FBN3: variants seen among roughly 807,000 people sequenced by gnomAD.
FBN3 encodes fibrillin-3.
In FBN3, 234 loss-of-function variants were observed where a neutral mutation model predicts 330.1. The observed-to-expected ratio is 0.71, with a 90% CI of 0.64 to 0.79. The LOEUF is 0.79. Ranked by LOEUF, FBN3 falls within the 30% of genes least tolerant of loss-of-function variation. The probability of loss-of-function intolerance (pLI) is 0.00; values close to 1 mark genes in which losing one functional copy is unlikely to be tolerated. For missense variants in FBN3, 3,606 were observed against 3,886.9 expected, an observed-to-expected ratio of 0.93 and a Z score of 1.92; for synonymous variants, 1,458 against 1,517.3, an observed-to-expected ratio of 0.96 and a Z score of 0.91.
intron 30 of FBN3, among the ~76,000 whole-genome samples, chr19:8,113,091 G>A (rs1033668187): frequency 1.1e-4 from 17 of 152,170 alleles, no homozygotes; most frequent in South Asian, 8.3e-4. Flanking sequence ...AGGTCATCCC[G>A]GATTAGTGTA....
Position 8,112,011 on chromosome 19 carries a change from C to T in FBN3, c.3927G>A (p.Leu1309=). 6.2e-7 allele frequency: 1 copy of T among 1,611,708 alleles called. No individual in the cohort carries two copies. The change falls in exon 31 of 64, where the codon CTG becomes CTA. Residue 1309 remains leucine, a synonymous_variant. Coordinates refer to ENST00000600128, the MANE Select transcript of FBN3 (RefSeq NM_032447.5). ...NIPGSFSCRC[L]PGWVGDGFEC... ...CGAAGCCATCCCCCACCCAGCCTGGCAGGCACCTACAGCTGAAACTCCCCG... is the reference window on the plus strand; with the variant it reads ...CGAAGCCATCCCCCACCCAGCCTGGTAGGCACCTACAGCTGAAACTCCCCG...
In FBN3 at chr19:8,131,964, T is replaced by C; in HGVS notation, c.1715-135A>G. ...CCAGTTTCTTGTCTTTCCAGTTTCCTGTTGTCTGTGTCTCTGTCCTCTCCT... is the reference window on the plus strand; with the variant it reads ...CCAGTTTCTTGTCTTTCCAGTTTCCCGTTGTCTGTGTCTCTGTCCTCTCCT... On this transcript the variant is annotated intron_variant, in intron 14 of 63. Coordinates refer to ENST00000600128, the MANE Select transcript of FBN3 (RefSeq NM_032447.5). The surrounding 1 kb of genome is among the most constrained non-coding windows in gnomAD (Gnocchi z 4.5). 5.8e-6 allele frequency: 6 copies of C among 1,026,952 alleles called. No homozygotes were observed. Among genetic ancestry groups the C allele is most frequent in the Non-Finnish European group, 8.1e-6 (6 of 738,222 alleles). 63.6% of individuals were successfully genotyped at this position (1,026,952 alleles called of 1,614,324 possible).
chr19:8,112,709 C>A (rs1199495217), intron 30 of FBN3, among the ~76,000 whole-genome samples: 2 of 152,184 alleles, frequency 1.3e-5, no homozygotes, highest in Non-Finnish European at 2.9e-5. Flanking sequence ...CGCCCCTTTT[C>A]CAAGCCAGGA....
At position 8,136,365 on chromosome 19, in the gene FBN3, C is replaced by G. The variant is rs9749144; in HGVS notation, c.1345+23G>C. The G allele has an allele frequency of 1.9e-4, 305 of 1,609,636 alleles. No individual in the cohort carries two copies. The African/African-American group carries it at 3.6e-3, about 19-fold the overall frequency. On this transcript the variant is annotated intron_variant, in intron 11 of 63. Coordinates refer to ENST00000600128, the MANE Select transcript of FBN3 (RefSeq NM_032447.5). The stretch of plus-strand genomic sequence containing the variant: ...GAGCAGGGCAGTGAGAACCGCCCCC[C>G]CTTCCACCTGGCCGCGGCTCACCAA...
chr19:8,137,076 G>A (rs2083302252), intron 10 of FBN3, among the ~76,000 whole-genome samples: 1 of 150,462 alleles, frequency 6.6e-6, no homozygotes, highest in Non-Finnish European at 1.5e-5. Context: ...CCTCCAACCT[G>A]GGGCCTAGAT....
chr19:8,138,019 C>A, intron 10 of FBN3, 122 bp downstream of exon 10: 2 of 1,147,560 alleles, frequency 1.7e-6, no homozygotes, highest in East Asian at 2.6e-5. Context: ...CCAGGAGTTC[C>A]CCCTCCAAAG....
intron 59 of FBN3, among the ~76,000 whole-genome samples, chr19:8,076,375 GT>G (rs2081642070): frequency 6.6e-6 from 1 of 152,006 alleles, no homozygotes; most frequent in African/African-American, 2.4e-5. Flanking sequence ...GCTCATGCCT[GT>G]AATCCCAGTG....
chr19:8,075,101 T>C lies in FBN3; in HGVS notation c.7672A>G (p.Thr2558Ala). 6.3e-7 allele frequency: 1 copy of C among 1,599,274 alleles called. No individual in the cohort carries two copies. Among genetic ancestry groups the C allele is most frequent in the Non-Finnish European group, 8.5e-7 (1 of 1,172,852 alleles). Residue 2558 changes from threonine to alanine, a missense_variant, in exon 61 of 64, where the codon ACC (threonine) becomes GCC (alanine). Thr to Ala is a moderately conservative substitution (Grantham distance 58, BLOSUM62 0). Transcript: ENST00000600128. ...GYRCSCPQGF[T>A]QHSQWAQCVD... The stretch of plus-strand genomic sequence containing the variant: ...CACTGGGCCCACTGGGAGTGCTGGG[T>C]GAAACCCTGGGGGCAGCTGCAGCGG...
At position 8,116,728 on chromosome 19, in the gene FBN3, G is replaced by A. The variant is rs199643297; in HGVS notation, c.3658C>T (p.Arg1220Cys). ...GHCTNMPGGH[R>C]CLCYDGFMAT... ...ATGAAGCCATCATAGCACAGGCAGC[G>A]GTGACCCCCTGGCATGTTGGTGCAG... Residue 1220 changes from arginine (R) to cysteine (C), a missense_variant, in exon 29 of 64, where the codon CGC becomes TGC. Coordinates refer to ENST00000600128, the MANE Select transcript of FBN3 (RefSeq NM_032447.5). 26 of 1,613,992 alleles carry A rather than the reference G, an allele frequency of 1.6e-5. No individual in the cohort carries two copies. Among genetic ancestry groups the A allele is most frequent in the Admixed American group, 1.5e-4 (9 of 60,004 alleles).
In FBN3 at chr19:8,114,034, T is replaced by TA. The variant is rs752294642; in HGVS notation, c.3838+1480dup. 5.9e-4 allele frequency among the ~76,000 whole-genome samples: 87 copies of TA among 147,738 alleles called. 1 individual carries two copies. The highest frequency in any genetic ancestry group is 2.2e-3 in the East Asian group (11 of 5,064). ...TAAATAAAATGTAAAACATGAAAAA[T>TA]AAAAAAAAATAGATACACAGAGAGA... On this transcript the variant is annotated intron_variant, in intron 30 of 63. Transcript: ENST00000600128.
intron 22 of FBN3, 102 bp downstream of exon 22, chr19:8,125,790 C>CAAA: frequency 2.7e-5 from 29 of 1,078,702 alleles, no homozygotes; most frequent in Admixed American, 3.8e-5. Flanking sequence ...GACTCCATCT[C>CAAA]AAAAAAAAAA....
intron 13 of FBN3, 39 bp downstream of exon 13, chr19:8,135,922 G>T: frequency 7.1e-7 from 1 of 1,408,204 alleles, no homozygotes; most frequent in Non-Finnish European, 9.7e-7. Flanking sequence ...AGCTAGTGGG[G>T]CCCGGAAGCC....
In FBN3 at chr19:8,095,359, C is replaced by A. The variant is rs1420406250; in HGVS notation, c.5785+16G>T. ...GGGCTGGCTGAGATGCCTCCGAGCA[C>A]CATAGGCAGACTCACCCACACAGTT... On this transcript the variant is annotated intron_variant, in intron 46 of 63. Transcript: ENST00000600128. The A allele has an allele frequency of 2.5e-6, 4 of 1,610,678 alleles. No homozygotes were observed. The highest frequency in any genetic ancestry group is 1.3e-5 in the African/African-American group (1 of 74,998).
intron 29 of FBN3, 80 bp downstream of exon 29, chr19:8,116,594 G>C (rs2082709625): frequency 6.8e-7 from 1 of 1,465,118 alleles, no homozygotes; most frequent in Admixed American, 1.8e-5. Flanking sequence ...ATGCCTATGT[G>C]CCACCTTGTG....
chr19:8,094,102 A>T (rs752902688), intron 47 of FBN3, among the ~76,000 whole-genome samples: 1 of 152,116 alleles, frequency 6.6e-6, no homozygotes, highest in Non-Finnish European at 1.5e-5. Flanking sequence ...GCATGAAATC[A>T]TCTCTATGGG....
intron 57 of FBN3, among the ~76,000 whole-genome samples, chr19:8,082,300 TCTTTCTCC>T (rs1178899625): frequency 7.9e-6 from 1 of 126,654 alleles, no homozygotes; most frequent in African/African-American, 2.9e-5. Flanking sequence ...TCCCTTTCTC[TCTTTCTCC>T]CTTTCTCTTT....
At chr19:8,145,421 C>T (rs2083512802) in intron 5 of FBN3, among the ~76,000 whole-genome samples, 1 of 148,646 alleles carries the variant, frequency 6.7e-6, no homozygotes, top group Non-Finnish European at 1.5e-5. Flanking sequence ...TAGCTCACGC[C>T]TGTAATCCCA....
At chr19:8,084,091 C>T (rs969212855) in intron 56 of FBN3, among the ~76,000 whole-genome samples, 1 of 152,118 alleles carries the variant, frequency 6.6e-6, no homozygotes, top group South Asian at 2.1e-4. Context: ...CGTGAGCCAC[C>T]GCGGCCCTCC....
In FBN3 at chr19:8,075,169, G is replaced by C; in HGVS notation, c.7604C>G (p.Pro2535Arg). 6.4e-7 allele frequency: 1 copy of C among 1,569,710 alleles called. No homozygotes were observed. The highest frequency in any genetic ancestry group is 1.7e-4 in the Middle Eastern group (1 of 5,848). ...GCEDVNECDG[P>R]HRCQHGCQNQ... ...CTGACAGCCATGCTGGCAGCGGTGG[G>C]GCCCATCACATTCATTCACATCTGA... The change falls in exon 61 of 64, where the codon CCC becomes CGC. Residue 2535 changes from proline to arginine, a missense_variant. Pro to Arg is a moderately radical substitution (Grantham distance 103, BLOSUM62 -2). Transcript: ENST00000600128.
Sources: allele counts gnomAD v4.1 joint callset (sites outside exome capture counted in the v4.1 genomes callset), GRCh38; gene constraint gnomAD v4.1.1; non-coding constraint Gnocchi (gnomAD v3.1); transcripts MANE v1.5; gene names NCBI Gene and HGNC (gene_info 2026-07-23, HGNC 2026-07-21).